The following IFT80 variants were observed in gnomAD, a reference collection of about 807,000 sequenced individuals.
IFT80 encodes intraflagellar transport 80.
Under a neutral mutation model 107.9 loss-of-function variants are expected in IFT80, and 79 were observed. The observed-to-expected ratio is 0.73, with a 90% CI of 0.61 to 0.88. The LOEUF (loss-of-function observed/expected upper bound fraction) is 0.88, where lower values mean the gene tolerates loss of function less well. IFT80 is among the 40% of genes least tolerant of loss of function. The probability of loss-of-function intolerance (pLI) is 0.00; values close to 1 mark genes in which losing one functional copy is unlikely to be tolerated. For missense variants in IFT80, 797 were observed against 914.2 expected (o/e 0.87, Z 1.65); for synonymous variants, 299 against 300.9 (o/e 0.99, Z 0.07).
chr3:160,350,413 C>A (rs1402355966), intron 8 of IFT80, among the ~76,000 whole-genome samples: 13 of 87,580 alleles, frequency 1.5e-4, no homozygotes, highest in African/African-American at 5.8e-4. Flanking sequence ...AAGACTCTGT[C>A]TCAAAAAAAA....
At position 160,274,827 on chromosome 3, in the gene IFT80, C is replaced by T. The variant is rs182962390; in HGVS notation, c.2099+2479G>A. ...CCCAGCTACTTAGGTGGCTGAAGTA[C>T]GATAATCACTTAAACCCAGGAGGCA... On this transcript the variant is annotated intron_variant, in intron 18 of 19. Transcript: ENST00000326448. Among the ~76,000 whole-genome samples the T allele has an allele frequency of 2.0e-4, 31 of 152,178 alleles. No homozygotes were observed. In the East Asian group the frequency reaches 5.8e-3, roughly 28 times the overall value.
chr3:160,298,019 A>G (rs1716122668), intron 12 of IFT80, among the ~76,000 whole-genome samples: 1 of 152,156 alleles, frequency 6.6e-6, no homozygotes, highest in African/African-American at 2.4e-5. Context: ...CACCACACTA[A>G]TATCATAGCA....
chr3:160,394,197 T>C (rs1178878481), intron 1 of IFT80: 2 of 152,328 alleles, frequency 1.3e-5, no homozygotes, highest in East Asian at 3.8e-4. Flanking sequence ...GCAAACAGTA[T>C]GGCCGTTTAC....
At chr3:160,348,302 G>C (rs1720442127) in intron 8 of IFT80, among the ~76,000 whole-genome samples, 1 of 152,142 alleles carries the variant, frequency 6.6e-6, no homozygotes, top group South Asian at 2.1e-4. Context: ...CACTGCAGTA[G>C]TTTAGCATAG....
At position 160,356,094 on chromosome 3, in the gene IFT80, A is replaced by T; in HGVS notation, c.696T>A (p.Ile232=). The T allele has an allele frequency of 6.2e-7, 1 of 1,614,168 alleles. No homozygotes were observed. The change falls in exon 8 of 20, where the codon ATT becomes ATA. Residue 232 remains isoleucine, a synonymous_variant. Transcript: ENST00000326448. The part of the protein sequence containing the change: ...LYNSQPHEHP[I]TSVAWAPDGE... ...CATCTGGAGCCCAGGCAACTGAAGTAATGGGATGCTCATGAGGTTGTGAAT... is the reference window on the plus strand; with the variant it reads ...CATCTGGAGCCCAGGCAACTGAAGTTATGGGATGCTCATGAGGTTGTGAAT...
chr3:160,371,316 G>GGA (rs1224637143), intron 5 of IFT80, among the ~76,000 whole-genome samples: 1 of 152,096 alleles, frequency 6.6e-6, no homozygotes, highest in African/African-American at 2.4e-5. Flanking sequence ...ATATTTGCCA[G>GGA]GAACCCTTCC....
intron 5 of IFT80, among the ~76,000 whole-genome samples, chr3:160,367,698 T>C (rs1323944546): frequency 1.3e-5 from 2 of 152,086 alleles, no homozygotes; most frequent in Non-Finnish European, 2.9e-5. Context: ...TTACACTTGA[T>C]AGTGTTTTCA....
At chr3:160,286,160 G>C (rs1464621384) in intron 12 of IFT80, among the ~76,000 whole-genome samples, 1 of 152,162 alleles carries the variant, frequency 6.6e-6, no homozygotes, top group African/African-American at 2.4e-5. Context: ...TTATAATTCT[G>C]ATAACTTTGA....
intron 8 of IFT80, among the ~76,000 whole-genome samples, chr3:160,334,408 A>G (rs955990935): frequency 6.7e-6 from 1 of 150,190 alleles, no homozygotes; most frequent in Admixed American, 6.6e-5. Context: ...TTCACTAAAT[A>G]TGATGCTCAA....
intron 8 of IFT80, among the ~76,000 whole-genome samples, chr3:160,323,022 C>A (rs1576808367): frequency 1.3e-5 from 2 of 152,058 alleles, no homozygotes; most frequent in East Asian, 3.9e-4. Flanking sequence ...TTTTGCTGTG[C>A]AGAGGCTCTT....
intron 19 of IFT80, among the ~76,000 whole-genome samples, chr3:160,264,215 T>G (rs748207016): frequency 6.6e-6 from 1 of 151,676 alleles, no homozygotes; most frequent in African/African-American, 2.4e-5. Context: ...GCTCAAGTGA[T>G]TCTCCCACCT....
chr3:160,269,343 TA>T (rs1477854413), intron 18 of IFT80, among the ~76,000 whole-genome samples: 1 of 152,206 alleles, frequency 6.6e-6, no homozygotes, highest in Admixed American at 6.5e-5. Context: ...ACTGAGTTTA[TA>T]AAATTAAAAA....
intron 13 of IFT80, 78 bp downstream of exon 13, chr3:160,285,726 T>A: frequency 1.0e-6 from 1 of 1,000,660 alleles, no homozygotes; most frequent in Non-Finnish European, 1.5e-6. Flanking sequence ...GTGTCCTCTT[T>A]AAAATGAAAA....
chr3:160,316,491 T>C (rs575330193), intron 9 of IFT80, among the ~76,000 whole-genome samples: 10 of 152,288 alleles, frequency 6.6e-5, no homozygotes, highest in African/African-American at 2.4e-4. Context: ...AGCCACTATG[T>C]TTAGGGTTAT....
At chr3:160,390,210 G>C (rs1713265334) in intron 1 of IFT80, among the ~76,000 whole-genome samples, 1 of 152,056 alleles carries the variant, frequency 6.6e-6, no homozygotes, top group Non-Finnish European at 1.5e-5. Flanking sequence ...CTGAGGTCGG[G>C]AGTTTGAGAC....
intron 8 of IFT80, among the ~76,000 whole-genome samples, chr3:160,331,942 C>A (rs1299618449): frequency 6.6e-6 from 1 of 152,192 alleles, no homozygotes; most frequent in Non-Finnish European, 1.5e-5. Flanking sequence ...CAGGCATAAG[C>A]CACCACGCCT....
intron 8 of IFT80, among the ~76,000 whole-genome samples, chr3:160,351,381 T>C (rs1323943499): frequency 2.0e-5 from 3 of 149,622 alleles, no homozygotes; most frequent in Non-Finnish European, 4.4e-5. Context: ...TTTCATTTGT[T>C]AAATTATAAA....
chr3:160,280,961 T>C (rs1714644590), intron 14 of IFT80, 147 bp from the exon 15 acceptor site: 5 of 682,924 alleles, frequency 7.3e-6, no homozygotes, highest in South Asian at 3.6e-5. Flanking sequence ...GAAAAACACA[T>C]ACCAAACAAT....
intron 9 of IFT80, among the ~76,000 whole-genome samples, chr3:160,316,417 C>T (rs948903531): frequency 6.6e-6 from 1 of 152,084 alleles, no homozygotes; most frequent in African/African-American, 2.4e-5. Context: ...AACAGGGGAG[C>T]CTGTTAAGCC....
Sources: gnomAD v4.1 joint callset for allele counts (sites outside exome capture counted in the v4.1 genomes callset) on GRCh38, gnomAD v4.1.1 for gene constraint, MANE v1.5 for transcripts, NCBI Gene and HGNC (gene_info 2026-07-23, HGNC 2026-07-21) for gene names.